KCNJ15: variants seen among roughly 807,000 people sequenced by gnomAD.
KCNJ15 encodes the protein potassium inwardly rectifying channel subfamily J member 15, also known as ATP-sensitive inward rectifier potassium channel 15.
KCNJ15 carries 14 observed loss-of-function variants against 23.0 expected under a neutral mutation model. That is an observed-to-expected ratio of 0.61 (90% CI 0.40 to 0.95). The LOEUF (loss-of-function observed/expected upper bound fraction) is 0.95. Ranked by LOEUF, KCNJ15 falls within the 40% of genes least tolerant of loss-of-function variation. The pLI is 0.00. For synonymous variants in KCNJ15, 185 were observed against 183.2 expected (o/e 1.01, Z -0.08); for missense variants, 388 against 461.8 (o/e 0.84, Z 1.46).
chr21:38,238,274 T>C (rs983454365), intron 1 of KCNJ15: 5 of 690,838 alleles, frequency 7.2e-6, no homozygotes, highest in South Asian at 1.4e-5. Context: ...ATGATGAGCA[T>C]TGAGCAGGCT....
intron 1 of KCNJ15, among the ~76,000 whole-genome samples, chr21:38,296,011 A>G (rs1041367463): frequency 9.2e-5 from 14 of 152,222 alleles, no homozygotes; most frequent in African/African-American, 3.1e-4. Context: ...AATAATTGGC[A>G]GATCAGAAGA....
rs1263469394 is a variant in KCNJ15 at position 38,300,414 on chromosome 21, AC to A, written c.*28del. ...ATCACAGGGGCGCCATCCAGGTTTA[AC>A]CCTGCAAGCTGTTTCCACATCAGAA... On this transcript the variant is annotated 3_prime_UTR_variant, in exon 3 of 3. Coordinates refer to ENST00000398938, the MANE Select transcript of KCNJ15 (RefSeq NM_170736.3). The A allele has an allele frequency of 1.3e-6, 2 of 1,565,218 alleles. No homozygotes were observed. Among genetic ancestry groups the A allele is most frequent in the South Asian group, 2.4e-5 (2 of 82,958 alleles).
At position 38,304,662 on chromosome 21, in the gene KCNJ15, C is replaced by CTTTTCTTTTTTT. The variant is rs1985981863; in HGVS notation, c.*4277_*4278insCTTTTTTTTTTT. The CTTTTCTTTTTTT allele has an allele frequency of 1.8e-5, 1 of 56,026 alleles. No individual in the cohort carries two copies. Among genetic ancestry groups the CTTTTCTTTTTTT allele is most frequent in the Non-Finnish European group, 3.6e-5 (1 of 28,118 alleles). The allele number at this position is 56,026 out of a possible 1,614,324, so 3.5% of individuals were successfully genotyped here. On this transcript the variant is annotated 3_prime_UTR_variant, in exon 3 of 3. Transcript: ENST00000398938. ...TTACCCTTTGTAAACTTCAATTTATCTTTTTTTTTTTTTTTTTTTTTTTTT... is the reference window on the plus strand; with the variant it reads ...TTACCCTTTGTAAACTTCAATTTATCTTTTCTTTTTTTTTTTTTTTTTTTTTTTTTTTTTTTT...
chr21:38,238,303 G>A (rs946640362), intron 1 of KCNJ15: 3 of 710,322 alleles, frequency 4.2e-6, no homozygotes, highest in Admixed American at 3.5e-5. Flanking sequence ...ACACACATAC[G>A]CAGTGGCCTG....
chr21:38,284,254 CAT>C (rs1039885088), intron 1 of KCNJ15, among the ~76,000 whole-genome samples: 11 of 152,196 alleles, frequency 7.2e-5, no homozygotes, highest in African/African-American at 2.4e-4. Flanking sequence ...TGTCCCATAA[CAT>C]GTGCATAATG....
chr21:38,300,235 C>T lies in KCNJ15; in HGVS notation c.974C>T (p.Ala325Val). 6 of 1,614,138 alleles carry T rather than the reference C, an allele frequency of 3.7e-6. No individual in the cohort carries two copies. The highest frequency in any genetic ancestry group is 5.1e-6 in the Non-Finnish European group (6 of 1,180,018). The stretch of plus-strand genomic sequence containing the variant: ...CTCTCCAAAAATGGAAAATATGTGG[C>T]TGATTTCAGTCAGTTTGAACAGATT... ...VSLSKNGKYVADFSQFEQIRK... is the reference protein window; with the variant it reads ...VSLSKNGKYVVDFSQFEQIRK... Residue 325 changes from alanine to valine, a missense_variant, in exon 3 of 3, where the codon GCT (alanine) becomes GTT (valine). Coordinates refer to ENST00000398938, the MANE Select transcript of KCNJ15 (RefSeq NM_170736.3).
intron 1 of KCNJ15, among the ~76,000 whole-genome samples, chr21:38,288,935 C>T (rs1357648693): frequency 6.6e-6 from 1 of 152,182 alleles, no homozygotes; most frequent in African/African-American, 2.4e-5. Flanking sequence ...CGCGGTGGCT[C>T]ACGCCTGTAA....
At chr21:38,254,224 G>A (rs901290240), upstream of KCNJ15, among the ~76,000 whole-genome samples, 2 of 152,204 alleles carry the variant, frequency 1.3e-5, 1 homozygote, top group South Asian at 4.1e-4. Context: ...TATGACAGAA[G>A]TCACATAGAC....
intron 1 of KCNJ15, among the ~76,000 whole-genome samples, chr21:38,276,230 G>A (rs1162749934): frequency 3.3e-5 from 5 of 151,914 alleles, no homozygotes; most frequent in African/African-American, 7.2e-5. Flanking sequence ...TCACCTTTAC[G>A]TATTTCAAAG....
chr21:38,286,504 C>A (rs572597785), intron 1 of KCNJ15, among the ~76,000 whole-genome samples: 2 of 152,228 alleles, frequency 1.3e-5, no homozygotes, highest in East Asian at 3.9e-4. Context: ...TTAGTGCCTG[C>A]AAGAATATCC....
rs972556418 is a variant in KCNJ15, at chr21:38,300,472, C to T, written c.*83C>T. On this transcript the variant is annotated 3_prime_UTR_variant, in exon 3 of 3. Coordinates refer to ENST00000398938, the MANE Select transcript of KCNJ15 (RefSeq NM_170736.3). ...TCAAACACAAAGATTGCTGTGAAAA[C>T]GAAAATGTGTAGACGCACTCTCAAA... is the stretch of plus-strand genomic sequence containing the variant. 3.0e-5 allele frequency: 38 copies of T among 1,257,540 alleles called. No individual in the cohort carries two copies. In the Admixed American group the frequency reaches 4.8e-4, roughly 16 times the overall value. 77.9% of individuals were successfully genotyped at this position (1,257,540 alleles called of 1,614,324 possible). A position where few individuals can be genotyped will look rare whatever the true frequency, so the allele number is the denominator to read the frequency against.
intron 1 of KCNJ15, chr21:38,285,659 G>T (rs1983808678): frequency 6.6e-6 from 1 of 152,222 alleles, no homozygotes; most frequent in Admixed American, 6.5e-5. Context: ...CCAGATGTGG[G>T]CTGAGAGGGC....
At position 38,306,890 on chromosome 21, in the gene KCNJ15, A is replaced by G. The variant is rs1339673059; in HGVS notation, c.*6501A>G. On this transcript the variant is annotated 3_prime_UTR_variant, in exon 3 of 3. Coordinates refer to ENST00000398938, the MANE Select transcript of KCNJ15 (RefSeq NM_170736.3). Reference sequence around the variant, plus strand: ...TATGGTGATGGAAATCCCAAATGACATGTAGATTTTATATGCAAACAATCC... The same window carrying G: ...TATGGTGATGGAAATCCCAAATGACGTGTAGATTTTATATGCAAACAATCC... 2 of 152,276 alleles carry G rather than the reference A, an allele frequency of 1.3e-5. No individual in the cohort carries two copies. Among genetic ancestry groups the G allele is most frequent in the Non-Finnish European group, 2.9e-5 (2 of 68,052 alleles). 9.4% of individuals were successfully genotyped at this position (152,276 alleles called of 1,614,324 possible).
chr21:38,271,875 G>A (rs1305454435), intron 1 of KCNJ15, among the ~76,000 whole-genome samples: 1 of 152,178 alleles, frequency 6.6e-6, no homozygotes, highest in African/African-American at 2.4e-5. Context: ...CCACTGTCAT[G>A]GGAAGCTGCT....
intron 1 of KCNJ15, among the ~76,000 whole-genome samples, chr21:38,267,599 G>T (rs1430435253): frequency 6.6e-6 from 1 of 152,138 alleles, no homozygotes; most frequent in African/African-American, 2.4e-5. Context: ...ACAGTTAATG[G>T]CGCCACCCTT....
chr21:38,276,250 G>A (rs1198183664), intron 1 of KCNJ15, among the ~76,000 whole-genome samples: 1 of 151,992 alleles, frequency 6.6e-6, no homozygotes, highest in Non-Finnish European at 1.5e-5. Context: ...GACCACAGTA[G>A]TATAAAATGT....
chr21:38,247,242 A>T (rs1234063647), intron 1 of KCNJ15, among the ~76,000 whole-genome samples: 1 of 151,910 alleles, frequency 6.6e-6, no homozygotes, highest in Non-Finnish European at 1.5e-5. Context: ...TGATGGATGG[A>T]TGGATGGATG....
At chr21:38,297,307 T>G (rs893337040) in intron 2 of KCNJ15, among the ~76,000 whole-genome samples, 1 of 152,202 alleles carries the variant, frequency 6.6e-6, no homozygotes, top group Non-Finnish European at 1.5e-5. Flanking sequence ...AAGCCTGGCT[T>G]GCTGCCCCTT....
upstream of KCNJ15, among the ~76,000 whole-genome samples, chr21:38,252,578 T>C (rs1341858109): frequency 6.6e-6 from 1 of 152,226 alleles, no homozygotes; most frequent in East Asian, 1.9e-4. Flanking sequence ...AGGATTCTCC[T>C]GGCATTTTGA....
Sources: gnomAD v4.1 joint callset for allele counts (sites outside exome capture counted in the v4.1 genomes callset) on GRCh38, gnomAD v4.1.1 for gene constraint, MANE v1.5 for transcripts, NCBI Gene and HGNC (gene_info 2026-07-23, HGNC 2026-07-21) for gene names.